CARS1: variants seen among roughly 807,000 people sequenced by gnomAD.
The protein encoded by CARS1 is cysteine--tRNA ligase, cytoplasmic.
CARS1 carries 48 observed loss-of-function variants against 106.2 expected under a neutral mutation model. That is an observed-to-expected ratio of 0.45 (90% CI 0.36 to 0.57). The LOEUF is 0.57. CARS1 is among the 20% of genes least tolerant of loss of function. The pLI is 0.00. For missense variants in CARS1, 968 were observed against 1,057.2 expected (o/e 0.92, Z 1.17); for synonymous variants, 409 against 403.4 (o/e 1.01, Z -0.17).
At position 3,046,991 on chromosome 11, in the gene CARS1, A is replaced by T. The variant is rs919773959; in HGVS notation, c.274+762T>A. Among the ~76,000 whole-genome samples, 5 of 152,086 alleles carry T rather than the reference A, an allele frequency of 3.3e-5. No individual in the cohort carries two copies. Among genetic ancestry groups the T allele is most frequent in the Non-Finnish European group, 5.9e-5 (4 of 67,996 alleles). ...TTATTTCTGATTTTTAAAAAGTTCAATGCCGGCCGGGCGCGGTGGTTCACA... is the reference window on the plus strand; with the variant it reads ...TTATTTCTGATTTTTAAAAAGTTCATTGCCGGCCGGGCGCGGTGGTTCACA... On this transcript the variant is annotated intron_variant, in intron 2 of 22. Transcript: ENST00000380525. The surrounding 1 kb of genome is among the most constrained non-coding windows in gnomAD (Gnocchi z 5.8).
rs149560974 is a variant in CARS1 at position 3,021,920 on chromosome 11, T to C, written c.1154-1588A>G. Among the ~76,000 whole-genome samples the C allele has an allele frequency of 6.6e-6, 1 of 152,374 alleles. No individual in the cohort carries two copies. The highest frequency in any genetic ancestry group is 2.4e-5 in the African/African-American group (1 of 41,596). The stretch of plus-strand genomic sequence containing the variant: ...CATTCACGTTTTCAACTTTTCATTA[T>C]TATGAACTTACTCATGAAAGTTTAT... On this transcript the variant is annotated intron_variant, in intron 10 of 22. Transcript: ENST00000380525. This position sits in a 1 kb window ranked among gnomAD's most constrained non-coding sequence, Gnocchi z 5.3.
Position 3,005,486 on chromosome 11 carries a change from C to G in CARS1, c.2150-53G>C, listed in dbSNP as rs113485650. ...GTCTGGGCTCTGTGGGCCGTCCCCA[C>G]TGCGGGGCCAGCCCTGCCCTGCCCT... On this transcript the variant is annotated intron_variant, in intron 19 of 22. Transcript: ENST00000380525. The G allele has an allele frequency of 3.0e-5, 43 of 1,442,290 alleles. 2 individuals carry two copies. In the African/African-American group the frequency reaches 3.6e-4, roughly 12 times the overall value. The allele number at this position is 1,442,290 out of a possible 1,614,324, so 89.3% of individuals were successfully genotyped here.
intron 1 of CARS1, among the ~76,000 whole-genome samples, chr11:3,051,566 G>GC (rs1855701050): frequency 6.6e-6 from 1 of 152,240 alleles, no homozygotes; most frequent in Non-Finnish European, 1.5e-5. Flanking sequence ...CTTTTGCAGA[G>GC]CAACTTCCAG....
rs751036784 is a variant in CARS1 at position 3,020,172 on chromosome 11, C to T, written c.1266+48G>A. The stretch of plus-strand genomic sequence containing the variant: ...GCTGGGGGCCTGAGAGTGTGGCTGG[C>T]GCCAGTGCCCCTGTCCAAGCCCCAC... On this transcript the variant is annotated intron_variant, in intron 11 of 22. Coordinates refer to ENST00000380525, the MANE Select transcript of CARS1 (RefSeq NM_001014437.3). This position sits in a 1 kb window ranked among gnomAD's most constrained non-coding sequence, Gnocchi z 4.6. 8 of 1,113,138 alleles carry T rather than the reference C, an allele frequency of 7.2e-6. No individual in the cohort carries two copies. The highest frequency in any genetic ancestry group is 4.7e-5 in the East Asian group (2 of 42,560). The allele number at this position is 1,113,138 out of a possible 1,614,324, so 69.0% of individuals were successfully genotyped here.
At chr11:3,042,427 C>T (rs1854585647) in intron 2 of CARS1, 171 bp from the exon 3 acceptor site, 1 of 559,214 alleles carries the variant, frequency 1.8e-6, no homozygotes, top group Non-Finnish European at 3.2e-6. Context: ...AAGACAACTG[C>T]GTCTTTTTTT....
rs759911462 is a variant in CARS1, at chr11:3,038,151, T to C, written c.700A>G (p.Met234Val). Reference sequence around the variant, plus strand: ...ACTGCGTGCTGAATCCGTTCGAGCATCTGCTTTTTATCGGGATCCGTGGTC... The same window carrying C: ...ACTGCGTGCTGAATCCGTTCGAGCACCTGCTTTTTATCGGGATCCGTGGTC... ...NETTDPDKKQMLERIQHAVQL... is the reference protein window; with the variant it reads ...NETTDPDKKQVLERIQHAVQL... The change falls in exon 7 of 23, where the codon ATG (methionine) becomes GTG (valine). Residue 234 changes from methionine to valine, a missense_variant. Transcript: ENST00000380525. This position sits in a 1 kb window ranked among gnomAD's most constrained non-coding sequence, Gnocchi z 4.0. 3.1e-6 allele frequency: 5 copies of C among 1,614,158 alleles called. No homozygotes were observed. The highest frequency in any genetic ancestry group is 4.2e-6 in the Non-Finnish European group (5 of 1,179,976).
At position 3,038,296 on chromosome 11, in the gene CARS1, C is replaced by T; in HGVS notation, c.652-97G>A. Reference sequence around the variant, plus strand: ...AGGTAGAAAACAGAACGGTTTTTCCCATGGCCCCATAGAGATAGAGAAGTG... The same window carrying T: ...AGGTAGAAAACAGAACGGTTTTTCCTATGGCCCCATAGAGATAGAGAAGTG... On this transcript the variant is annotated intron_variant, in intron 6 of 22. Transcript: ENST00000380525. The surrounding 1 kb of genome is among the most constrained non-coding windows in gnomAD (Gnocchi z 4.0). The T allele has an allele frequency of 1.7e-6, 2 of 1,163,920 alleles. No individual in the cohort carries two copies. The highest frequency in any genetic ancestry group is 2.5e-6 in the Non-Finnish European group (2 of 796,298). 72.1% of individuals were successfully genotyped at this position (1,163,920 alleles called of 1,614,324 possible).
intron 21 of CARS1, 142 bp downstream of exon 21, chr11:3,002,399 G>A (rs1849473998): frequency 1.4e-6 from 2 of 1,471,168 alleles, no homozygotes; most frequent in African/African-American, 1.4e-5. Flanking sequence ...GCCTTGGGTG[G>A]TGGAGGCAGA....
chr11:3,057,340 C>T lies in CARS1; in HGVS notation c.25+3G>A. The T allele has an allele frequency of 1.9e-6, 3 of 1,609,586 alleles. No homozygotes were observed. The highest frequency in any genetic ancestry group is 2.5e-6 in the Non-Finnish European group (3 of 1,178,408). The stretch of plus-strand genomic sequence containing the variant: ...CTCAGCCTGGCCCGGCCGCGCCGCT[C>T]ACCCTGCTGCCCGGAGGAATCTGCC... On this transcript the variant is annotated splice_donor_region_variant and intron_variant, in intron 1 of 22. Transcript: ENST00000380525.
rs576571633 is a variant in CARS1, at chr11:3,004,892, G to C, written c.2217+474C>G. Among the ~76,000 whole-genome samples, 1 of 152,212 alleles carries C rather than the reference G, an allele frequency of 6.6e-6. No homozygotes were observed. The highest frequency in any genetic ancestry group is 1.5e-5 in the Non-Finnish European group (1 of 68,020). On this transcript the variant is annotated intron_variant, in intron 20 of 22. Transcript: ENST00000380525. This position sits in a 1 kb window ranked among gnomAD's most constrained non-coding sequence, Gnocchi z 5.2. The stretch of plus-strand genomic sequence containing the variant: ...GGAGGCCAAGGTGGGTGGATCACGA[G>C]GTCAGGAGATTGAGACCAGCCTGAC...
In CARS1 at chr11:3,001,108, G is replaced by C; in HGVS notation, c.*6C>G. On this transcript the variant is annotated 3_prime_UTR_variant, in exon 23 of 23. Coordinates refer to ENST00000380525, the MANE Select transcript of CARS1 (RefSeq NM_001014437.3). ...CAATGGTTTAAAAAGTCAGTCCTGT[G>C]CCCCCTCACTGGAAGCTTCCATTCT... 1 of 1,613,858 alleles carries C rather than the reference G, an allele frequency of 6.2e-7. No individual in the cohort carries two copies. Among genetic ancestry groups the C allele is most frequent in the Non-Finnish European group, 8.5e-7 (1 of 1,179,978 alleles).
intron 1 of CARS1, among the ~76,000 whole-genome samples, chr11:3,054,506 C>G (rs1358709473): frequency 6.6e-6 from 1 of 152,246 alleles, no homozygotes; most frequent in Non-Finnish European, 1.5e-5. Flanking sequence ...CGAAGGGCAT[C>G]AGCTTTATTC....
intron 7 of CARS1, among the ~76,000 whole-genome samples, chr11:3,032,451 G>A (rs1047516181): frequency 1.3e-5 from 2 of 152,118 alleles, no homozygotes; most frequent in African/African-American, 4.8e-5. Context: ...TTATGGGACT[G>A]AGCCCTTCAA....
At position 3,017,704 on chromosome 11, in the gene CARS1, A is replaced by G. The variant is rs767897242; in HGVS notation, c.1727+153T>C. 5 of 613,244 alleles carry G rather than the reference A, an allele frequency of 8.2e-6. No individual in the cohort carries two copies. The highest frequency in any genetic ancestry group is 2.8e-5 in the East Asian group (1 of 35,974). The allele number at this position is 613,244 out of a possible 1,614,324, so 38.0% of individuals were successfully genotyped here. ...TTCAACACCCAGAGCAGCTCCCATT[A>G]GCAGAGCCGCCTATCCTGAATTAAT... On this transcript the variant is annotated intron_variant, in intron 15 of 22. Coordinates refer to ENST00000380525, the MANE Select transcript of CARS1 (RefSeq NM_001014437.3). This position sits in a 1 kb window ranked among gnomAD's most constrained non-coding sequence, Gnocchi z 4.9.
chr11:3,012,344 C>G, intron 17 of CARS1, 68 bp from the exon 18 acceptor site: 1 of 1,387,160 alleles, frequency 7.2e-7, no homozygotes, highest in Non-Finnish European at 1.0e-6. Flanking sequence ...AGAATAATAG[C>G]TCAGTGGCCG....
Position 3,043,525 on chromosome 11 carries a change from C to T in CARS1, c.275-1269G>A, listed in dbSNP as rs372174026. On this transcript the variant is annotated intron_variant, in intron 2 of 22. Coordinates refer to ENST00000380525, the MANE Select transcript of CARS1 (RefSeq NM_001014437.3). This position sits in a 1 kb window ranked among gnomAD's most constrained non-coding sequence, Gnocchi z 4.0. The stretch of plus-strand genomic sequence containing the variant: ...CTTCACATGTCTCTGCTGAGTGGCA[C>T]CAGGAAGGCCTACGAGATGGATACT... Among the ~76,000 whole-genome samples, 9 of 150,566 alleles carry T rather than the reference C, an allele frequency of 6.0e-5. No individual in the cohort carries two copies. In the South Asian group the frequency reaches 1.5e-3, roughly 25 times the overall value.
Position 3,002,600 on chromosome 11 carries a change from C to T in CARS1, c.2218G>A (p.Val740Ile), listed in dbSNP as rs774227919. Residue 740 changes from valine (V) to isoleucine (I), a missense_variant and splice_region_variant, in exon 21 of 23, where the codon GTT (valine) becomes ATT (isoleucine). Physicochemically the swap from Val to Ile is conservative, Grantham distance 29. Transcript: ENST00000380525. The stretch of plus-strand genomic sequence containing the variant: ...TTCTTCTTCCTCTTCTCCTCTTCAA[C>T]CTGGAGGGTCAATACAGAGCCAGAT... ...LLKEREEKRR[V>I]EEEKRKKKEE... is the part of the protein sequence containing the mutation. 3.7e-6 allele frequency: 6 copies of T among 1,614,032 alleles called. No individual in the cohort carries two copies. The South Asian group carries it at 5.5e-5, about 15-fold the overall frequency.
chr11:3,052,212 G>T lies in CARS1; in HGVS notation c.26-4211C>A, dbSNP rs187528487. Among the ~76,000 whole-genome samples the T allele has an allele frequency of 5.3e-4, 81 of 152,320 alleles. No individual in the cohort carries two copies. Among genetic ancestry groups the T allele is most frequent in the Non-Finnish European group, 6.8e-4 (46 of 68,030 alleles). The stretch of plus-strand genomic sequence containing the variant: ...TCCGCTCTCTGGAGACCTGAGGGGC[G>T]GCCCCGACGCCCTCCAGGGCTGAGT... On this transcript the variant is annotated intron_variant, in intron 1 of 22. Transcript: ENST00000380525. This position sits in a 1 kb window ranked among gnomAD's most constrained non-coding sequence, Gnocchi z 4.6.
intron 19 of CARS1, 22 bp downstream of exon 19, chr11:3,006,857 C>T: frequency 6.2e-7 from 1 of 1,604,030 alleles, no homozygotes; most frequent in Non-Finnish European, 8.5e-7. Flanking sequence ...AACTTTGTAG[C>T]AAACAGCAAG....
Sources: gnomAD v4.1 joint callset for allele counts (sites outside exome capture counted in the v4.1 genomes callset) on GRCh38, gnomAD v4.1.1 for gene constraint, Gnocchi (gnomAD v3.1) non-coding constraint, MANE v1.5 for transcripts, NCBI Gene and HGNC (gene_info 2026-07-23, HGNC 2026-07-21) for gene names.